ZNF516: variants seen among roughly 807,000 people sequenced by gnomAD.
ZNF516 encodes zinc finger protein 516.
A neutral mutation model predicts 79.7 loss-of-function variants in ZNF516; 19 were observed. The observed-to-expected ratio is 0.24, with a 90% CI of 0.17 to 0.35. The LOEUF is 0.35. ZNF516 is among the 10% of genes least tolerant of loss of function. The pLI, the probability that ZNF516 is intolerant of heterozygous loss-of-function variation, is 1.00. For missense variants in ZNF516, 1,678 were observed against 1,679.5 expected, an observed-to-expected ratio of 1.00 and a Z score of 0.02; for synonymous variants, 877 against 739.5, an observed-to-expected ratio of 1.19 and a Z score of -3.02.
At chr18:76,460,919 AC>A (rs980659563) in intron 2 of ZNF516, among the ~76,000 whole-genome samples, 2 of 152,214 alleles carry the variant, frequency 1.3e-5, no homozygotes, top group African/African-American at 4.8e-5. Flanking sequence ...ACGGTGGCTC[AC>A]GCCTGTAATC....
rs1206228821 is a variant in ZNF516, at chr18:76,473,917, GC to G, written c.-271-10777del. Among the ~76,000 whole-genome samples the G allele has an allele frequency of 3.7e-5, 4 of 107,736 alleles. No individual in the cohort carries two copies. The East Asian group carries it at 9.6e-4, about 26-fold the overall frequency. The allele number at this position is 107,736 out of a possible 152,430, so 70.7% of individuals were successfully genotyped here. ...TTGTTTTTGTGTGGGGGGGGGGGGG[GC>G]TTTCTTTTTGAGACAGGGTCTTACT... On this transcript the variant is annotated intron_variant, in intron 1 of 6. Coordinates refer to ENST00000443185, the MANE Select transcript of ZNF516 (RefSeq NM_014643.4).
At position 76,379,375 on chromosome 18, in the gene ZNF516, G is replaced by A. The variant is rs778981292; in HGVS notation, c.2739C>T (p.Ser913=). The A allele has an allele frequency of 3.1e-6, 5 of 1,598,722 alleles. No individual in the cohort carries two copies. The East Asian group carries it at 1.1e-4, about 36-fold the overall frequency. ...GPLAKPRQEA[S]SKPVPAPGGG... ...CACCCGGGGCAGGCACCGGTTTGGA[G>A]CTAGCCTCCTGCCTGGGCTTGGCCA... Residue 913 remains serine, a synonymous_variant, in exon 4 of 7, where the codon AGC becomes AGT. Transcript: ENST00000443185.
At chr18:76,400,802 T>C (rs2075209449) in intron 3 of ZNF516, among the ~76,000 whole-genome samples, 2 of 152,240 alleles carry the variant, frequency 1.3e-5, no homozygotes, top group African/African-American at 2.4e-5. Context: ...CAGTCCACCA[T>C]GGATACCTAA....
rs935262654 is a variant in ZNF516 at position 76,361,181 on chromosome 18, T to A, written c.*1317A>T. The A allele has an allele frequency of 6.6e-6, 1 of 152,132 alleles. No individual in the cohort carries two copies. The highest frequency in any genetic ancestry group is 2.4e-5 in the African/African-American group (1 of 41,420). The allele number at this position is 152,132 out of a possible 1,614,324, so 9.4% of individuals were successfully genotyped here. On this transcript the variant is annotated 3_prime_UTR_variant, in exon 7 of 7. Transcript: ENST00000443185. Reference sequence around the variant, plus strand: ...GGCAGCAGTAACTTTTGATAATGCATAAAATCATATGTGCAAAAATCTGAA... The same window carrying A: ...GGCAGCAGTAACTTTTGATAATGCAAAAAATCATATGTGCAAAAATCTGAA...
intron 2 of ZNF516, among the ~76,000 whole-genome samples, chr18:76,445,183 G>C (rs1911968492): frequency 6.6e-6 from 1 of 151,936 alleles, no homozygotes; most frequent in Admixed American, 6.5e-5. Flanking sequence ...CTTGAACCCG[G>C]GAGAGGGAGG....
chr18:76,449,798 A>G (rs1423821597), intron 2 of ZNF516, among the ~76,000 whole-genome samples: 1 of 152,242 alleles, frequency 6.6e-6, no homozygotes, highest in African/African-American at 2.4e-5. Context: ...AATAAATGCA[A>G]AAGGACAAAA....
rs190658481 is a variant in ZNF516, at chr18:76,459,687, G to A, written c.-158+3341C>T. Reference sequence around the variant, plus strand: ...GACCTGATGCGGGGCTTCAGGAAGTGGCAGGGCAGGAGGTAGAACCGGAAG... The same window carrying A: ...GACCTGATGCGGGGCTTCAGGAAGTAGCAGGGCAGGAGGTAGAACCGGAAG... On this transcript the variant is annotated intron_variant, in intron 2 of 6. Coordinates refer to ENST00000443185, the MANE Select transcript of ZNF516 (RefSeq NM_014643.4). This position sits in a 1 kb window ranked among gnomAD's most constrained non-coding sequence, Gnocchi z 5.0. 9.9e-4 allele frequency among the ~76,000 whole-genome samples: 151 copies of A among 152,328 alleles called. 2 individuals are homozygous for A. The highest frequency in any genetic ancestry group is 3.4e-3 in the Middle Eastern group (1 of 294).
chr18:76,486,297 G>C (rs555740510), intron 1 of ZNF516, among the ~76,000 whole-genome samples: 142 of 152,142 alleles, frequency 9.3e-4, no homozygotes, highest in Non-Finnish European at 1.7e-3. Flanking sequence ...CCCAAACACA[G>C]TGTCTTGTCA....
At chr18:76,428,618 G>A (rs1221957014) in intron 3 of ZNF516, among the ~76,000 whole-genome samples, 1 of 152,182 alleles carries the variant, frequency 6.6e-6, no homozygotes, top group Non-Finnish European at 1.5e-5. Flanking sequence ...ACTGTCACGT[G>A]GGGAAGCAGG....
At chr18:76,374,609 T>TACA (rs1367214828) in intron 4 of ZNF516, among the ~76,000 whole-genome samples, 20 of 152,352 alleles carry the variant, frequency 1.3e-4, no homozygotes, top group African/African-American at 4.6e-4. Context: ...ATTCTCTGTA[T>TACA]AAATGGAACA....
chr18:76,407,979 C>T (rs1402856854), intron 3 of ZNF516, among the ~76,000 whole-genome samples: 1 of 152,260 alleles, frequency 6.6e-6, no homozygotes, highest in African/African-American at 2.4e-5. Context: ...ATGCCAACTG[C>T]ACCCTCTTGG....
At chr18:76,363,430 GCTTTT>G (rs1185416441) in intron 6 of ZNF516, among the ~76,000 whole-genome samples, 1 of 152,144 alleles carries the variant, frequency 6.6e-6, no homozygotes, top group Non-Finnish European at 1.5e-5. Context: ...TGAATTAAGG[GCTTTT>G]CTTTAGTTAA....
intron 1 of ZNF516, among the ~76,000 whole-genome samples, chr18:76,481,272 C>G (rs1156544810): frequency 2.6e-5 from 4 of 152,200 alleles, no homozygotes; most frequent in African/African-American, 4.8e-5. Context: ...TGATGGATGA[C>G]TCAAAATTGT....
chr18:76,473,426 T>C (rs1180903265), intron 1 of ZNF516, among the ~76,000 whole-genome samples: 1 of 112,376 alleles, frequency 8.9e-6, no homozygotes, highest in South Asian at 2.6e-4. Flanking sequence ...TAGAGAAAAA[T>C]ATATCAGAAA....
intron 4 of ZNF516, 150 bp downstream of exon 4, chr18:76,378,705 A>G: frequency 8.3e-7 from 1 of 1,202,156 alleles, no homozygotes; most frequent in Non-Finnish European, 1.1e-6. Flanking sequence ...GGCCAGGGCA[A>G]GGGAGCAGCT....
rs772056352 is a variant in ZNF516 at position 76,441,363 on chromosome 18, C to G, written c.1692G>C (p.Ser564=). 4 of 1,611,262 alleles carry G rather than the reference C, an allele frequency of 2.5e-6. No homozygotes were observed. The highest frequency in any genetic ancestry group is 3.4e-6 in the Non-Finnish European group (4 of 1,179,320). The change falls in exon 3 of 7, where the codon TCG becomes TCC. Residue 564 remains serine, a synonymous_variant. Transcript: ENST00000443185. The part of the protein sequence containing the change: ...ARCGSLSEGD[S]ASQPSSPGSA... ...AGCCAGGGCTGCTGGGCTGGGAGGC[C>G]GAGTCACCCTCACTGAGTGATCCGC...
chr18:76,371,497 G>A lies in ZNF516; in HGVS notation c.3334C>T (p.His1112Tyr), dbSNP rs1486741014. Reference protein sequence around the residue: ...ECGKSFHQPGHLRAHMRAHSV... With the variant: ...ECGKSFHQPGYLRAHMRAHSV... Reference sequence around the variant, plus strand: ...TGTGCCCGCATGTGGGCCCTGAGGTGGCCGGGCTGGTGGAAGCTCTTTCCG... The same window carrying A: ...TGTGCCCGCATGTGGGCCCTGAGGTAGCCGGGCTGGTGGAAGCTCTTTCCG... The change falls in exon 5 of 7, where the codon CAC becomes TAC. Residue 1112 changes from histidine (H) to tyrosine (Y), a missense_variant. Coordinates refer to ENST00000443185, the MANE Select transcript of ZNF516 (RefSeq NM_014643.4). The A allele has an allele frequency of 6.2e-7, 1 of 1,609,562 alleles. No individual in the cohort carries two copies. The highest frequency in any genetic ancestry group is 1.3e-5 in the African/African-American group (1 of 74,930).
intron 3 of ZNF516, among the ~76,000 whole-genome samples, chr18:76,431,387 G>C (rs1453586410): frequency 6.6e-6 from 1 of 152,140 alleles, no homozygotes; most frequent in East Asian, 1.9e-4. Flanking sequence ...CAAATCAAAT[G>C]GCAAGCCACA....
At chr18:76,439,955 A>C (rs1186931516) in intron 3 of ZNF516, among the ~76,000 whole-genome samples, 1 of 152,192 alleles carries the variant, frequency 6.6e-6, no homozygotes, top group Non-Finnish European at 1.5e-5. Flanking sequence ...AAATTATTCA[A>C]AAAATCCAAA....
Sources: gnomAD v4.1 joint callset for allele counts (sites outside exome capture counted in the v4.1 genomes callset) on GRCh38, gnomAD v4.1.1 for gene constraint, Gnocchi (gnomAD v3.1) non-coding constraint, MANE v1.5 for transcripts, NCBI Gene and HGNC (gene_info 2026-07-23, HGNC 2026-07-21) for gene names.